The following ZNF280D variants were observed in gnomAD, a reference collection of about 807,000 sequenced individuals.
The protein encoded by ZNF280D is zinc finger protein 280D.
Under a neutral mutation model 94.7 loss-of-function variants are expected in ZNF280D, and 39 were observed. That is an observed-to-expected ratio of 0.41 (90% CI 0.32 to 0.54). The LOEUF is 0.54. Among genes scored for constraint, ZNF280D ranks in the 20% least tolerant of loss-of-function variants. The pLI, the probability that ZNF280D is intolerant of heterozygous loss-of-function variation, is 0.22. For synonymous variants in ZNF280D, 398 were observed against 377.6 expected, an observed-to-expected ratio of 1.05 and a Z score of -0.63; for missense variants, 1,090 against 1,149.3, an observed-to-expected ratio of 0.95 and a Z score of 0.75.
At chr15:56,731,459 A>C (rs1177491977) in intron 1 of ZNF280D, among the ~76,000 whole-genome samples, 1 of 140,814 alleles carries the variant, frequency 7.1e-6, no homozygotes, top group East Asian at 2.1e-4. Context: ...GCGAGCCAAG[A>C]CTGCTCCACA....
At chr15:56,634,775 T>C (rs2052268478) in intron 21 of ZNF280D, among the ~76,000 whole-genome samples, 1 of 152,128 alleles carries the variant, frequency 6.6e-6, no homozygotes, top group African/African-American at 2.4e-5. Flanking sequence ...GTTTTGAAAC[T>C]ATTGTGATCC....
At position 56,690,121 on chromosome 15, in the gene ZNF280D, G is replaced by A. The variant is rs1291891996; in HGVS notation, c.500-651C>T. 3.9e-5 allele frequency among the ~76,000 whole-genome samples: 6 copies of A among 152,222 alleles called. No homozygotes were observed. In the East Asian group the frequency reaches 5.8e-4, roughly 15 times the overall value. On this transcript the variant is annotated intron_variant, in intron 7 of 21. Transcript: ENST00000267807. ...ACATAGGCCAGGCACGGTGGCTCAC[G>A]CCTGTAATCCCAGCACTTTGGGAGG...
chr15:56,650,907 G>A (rs150189641), intron 19 of ZNF280D, among the ~76,000 whole-genome samples: 5,514 of 152,174 alleles, frequency 0.036, 344 homozygotes, highest in Admixed American at 0.16. Context: ...ATCTCTCAGT[G>A]AGGCCTCACT....
rs367979978 is a variant in ZNF280D at position 56,631,728 on chromosome 15, C to T, written c.2710G>A (p.Glu904Lys). Residue 904 changes from glutamate to lysine, a missense_variant, in exon 22 of 22, where the codon GAA becomes AAA. Glu to Lys is a moderately conservative substitution (Grantham distance 56). This residue lies in a region of ZNF280D where 577 missense variants were observed against 568.8 expected (regional missense o/e 1.01). Coordinates refer to ENST00000267807, the MANE Select transcript of ZNF280D (RefSeq NM_017661.4). Reference protein sequence around the residue: ...DQFLRKRHEPESVSSDVSEQG... With the variant: ...DQFLRKRHEPKSVSSDVSEQG... ...TCGCTAACATCAGAACTAACAGATT[C>T]AGGTTCATGTCTTTTTCTCAAAAAC... The T allele has an allele frequency of 3.1e-6, 5 of 1,614,036 alleles. No homozygotes were observed. The highest frequency in any genetic ancestry group is 3.3e-5 in the Admixed American group (2 of 60,002).
At chr15:56,670,040 A>C in intron 13 of ZNF280D, among the ~76,000 whole-genome samples, 1 of 16,986 alleles carries the variant, frequency 5.9e-5, no homozygotes, top group African/African-American at 1.7e-4. Context: ...TAGAGAAACC[A>C]CTCTTTTGTA....
chr15:56,634,923 C>A (rs1262719865), intron 21 of ZNF280D, among the ~76,000 whole-genome samples: 2 of 151,944 alleles, frequency 1.3e-5, no homozygotes, highest in African/African-American at 4.8e-5. Context: ...AGAAAATCTG[C>A]CAACATTTTA....
In ZNF280D at chr15:56,668,896, A is replaced by T; in HGVS notation, c.1472T>A (p.Met491Lys). 6.2e-7 allele frequency: 1 copy of T among 1,612,092 alleles called. No individual in the cohort carries two copies. The highest frequency in any genetic ancestry group is 8.5e-7 in the Non-Finnish European group (1 of 1,178,996). ...RLQFLTCKEK[M>K]DHKTQHHRTF... The stretch of plus-strand genomic sequence containing the variant: ...TCGATGGTGTTGAGTCTTATGATCC[A>T]TTTTCTCCTTGCATGTCAAAAACTG... Residue 491 changes from methionine (M) to lysine (K), a missense_variant, in exon 14 of 22, where the codon ATG becomes AAG. Met to Lys is a moderately conservative substitution (Grantham distance 95, BLOSUM62 -1). Around this residue, in one of 3 missense-constraint regions of ZNF280D, gnomAD observed 127 missense variants for 208.6 expected, o/e 0.61. Transcript: ENST00000267807.
chr15:56,692,512 A>G (rs953195350), intron 7 of ZNF280D, among the ~76,000 whole-genome samples: 15 of 152,118 alleles, frequency 9.9e-5, no homozygotes, highest in Admixed American at 5.2e-4. Context: ...ATTAATGAAG[A>G]ACTTTGTTAC....
intron 19 of ZNF280D, among the ~76,000 whole-genome samples, chr15:56,651,601 T>C (rs1282750507): frequency 6.6e-6 from 1 of 152,160 alleles, no homozygotes; most frequent in African/African-American, 2.4e-5. Flanking sequence ...CTGGTATTGG[T>C]AGGGGATTGG....
intron 6 of ZNF280D, among the ~76,000 whole-genome samples, chr15:56,695,248 T>C (rs1273522769): frequency 2.0e-5 from 3 of 152,032 alleles, no homozygotes; most frequent in Non-Finnish European, 4.4e-5. Context: ...AATTTTCATA[T>C]TTTTAGTAGA....
At chr15:56,679,488 T>G (rs191070514) in intron 10 of ZNF280D, among the ~76,000 whole-genome samples, 2 of 152,248 alleles carry the variant, frequency 1.3e-5, no homozygotes, top group Non-Finnish European at 2.9e-5. Context: ...CAGTGCCCTT[T>G]GTAGGCAACA....
intron 13 of ZNF280D, 21 bp from the exon 14 acceptor site, chr15:56,668,978 A>G (rs757440596): frequency 6.3e-7 from 1 of 1,592,038 alleles, no homozygotes; most frequent in Non-Finnish European, 8.5e-7. Context: ...AAAAACAGAA[A>G]AAGGGGGAAA....
At chr15:56,640,456 A>G (rs1010941807) in intron 20 of ZNF280D, among the ~76,000 whole-genome samples, 3 of 151,986 alleles carry the variant, frequency 2.0e-5, no homozygotes, top group African/African-American at 4.8e-5. Context: ...TTTTTTCTAG[A>G]ATGTTAGTCA....
chr15:56,684,080 T>C (rs1246035077), intron 9 of ZNF280D, among the ~76,000 whole-genome samples: 6 of 152,158 alleles, frequency 3.9e-5, no homozygotes, highest in African/African-American at 1.4e-4. Flanking sequence ...ACCCCAGACC[T>C]GATTCAGTAC....
chr15:56,703,941 T>G (rs925315711), intron 4 of ZNF280D, among the ~76,000 whole-genome samples, 180 bp downstream of exon 4: 1 of 152,158 alleles, frequency 6.6e-6, no homozygotes, highest in Non-Finnish European at 1.5e-5. Flanking sequence ...CCAGCTAATC[T>G]CAGTCCATTT....
chr15:56,723,841 T>TAGCTGAAAATATCGTA (rs1318253347), intron 1 of ZNF280D, among the ~76,000 whole-genome samples: 2 of 121,706 alleles, frequency 1.6e-5, no homozygotes, highest in Non-Finnish European at 3.9e-5. Flanking sequence ...AACCCATCAT[T>TAGCTGAAAATATCGTA]AGCTGAAAAT....
chr15:56,661,843 T>C (rs182832971), intron 16 of ZNF280D, among the ~76,000 whole-genome samples: 7 of 152,294 alleles, frequency 4.6e-5, no homozygotes, highest in Admixed American at 3.9e-4. Context: ...CAAATTGTTA[T>C]TAAGCACTTT....
intron 1 of ZNF280D, among the ~76,000 whole-genome samples, chr15:56,726,277 G>A (rs1282935100): frequency 6.6e-6 from 1 of 151,960 alleles, no homozygotes; most frequent in Non-Finnish European, 1.5e-5. Flanking sequence ...TTGGAGAGGG[G>A]TGGAACTCTA....
intron 1 of ZNF280D, among the ~76,000 whole-genome samples, chr15:56,716,781 A>G (rs1238151806): frequency 1.3e-5 from 2 of 152,134 alleles, no homozygotes; most frequent in Non-Finnish European, 2.9e-5. Context: ...CATATTGGCC[A>G]TGATTCTTTC....
Sources: allele counts gnomAD v4.1 joint callset (sites outside exome capture counted in the v4.1 genomes callset), GRCh38; gene constraint gnomAD v4.1.1; regional missense constraint gnomAD v4.1.1; transcripts MANE v1.5; gene names NCBI Gene and HGNC (gene_info 2026-07-23, HGNC 2026-07-21).